Variants in ANKS1B observed in about 807,000 individuals in gnomAD.
The protein encoded by ANKS1B is ankyrin repeat and sterile alpha motif domain-containing protein 1B.
Under a neutral mutation model 148.3 loss-of-function variants are expected in ANKS1B, and 36 were observed. That is an observed-to-expected ratio of 0.24 (90% CI 0.19 to 0.32). The LOEUF is 0.32. ANKS1B is among the 10% of genes least tolerant of loss of function. The pLI is 1.00. For missense variants in ANKS1B, 1,157 were observed against 1,542.6 expected, an observed-to-expected ratio of 0.75 and a Z score of 4.19; for synonymous variants, 542 against 560.8, an observed-to-expected ratio of 0.97 and a Z score of 0.47.
At chr12:99,271,662 C>CTCTATATATATATATATA (rs2077051183) in intron 12 of ANKS1B, among the ~76,000 whole-genome samples, 1 of 94,222 alleles carries the variant, frequency 1.1e-5, no homozygotes, top group African/African-American at 4.7e-5. Context: ...AGTCAATAAA[C>CTCTATATATATATATATA]TATATATATA....
rs1276520632 is a variant in ANKS1B at position 99,772,904 on chromosome 12, C to T, written c.1128+18G>A. 3 of 1,592,610 alleles carry T rather than the reference C, an allele frequency of 1.9e-6. No homozygotes were observed. The highest frequency in any genetic ancestry group is 2.3e-5 in the East Asian group (1 of 44,338). On this transcript the variant is annotated intron_variant, in intron 8 of 26. Coordinates refer to ENST00000683438, the MANE Select transcript of ANKS1B (RefSeq NM_001352186.2). Reference sequence around the variant, plus strand: ...CAAAGACAGACACATTATCTTCATTCCCCCCCGCCTTACTTACTACACTCT... The same window carrying T: ...CAAAGACAGACACATTATCTTCATTTCCCCCCGCCTTACTTACTACACTCT...
chr12:99,885,987 T>C lies in ANKS1B; in HGVS notation c.135-60598A>G, dbSNP rs551320702. On this transcript the variant is annotated intron_variant, in intron 1 of 26. Coordinates refer to ENST00000683438, the MANE Select transcript of ANKS1B (RefSeq NM_001352186.2). The stretch of plus-strand genomic sequence containing the variant: ...TTCCATGGTGTATATATACCACATT[T>C]TCTGTATCCATTCATCAGCTGATGG... Among the ~76,000 whole-genome samples the C allele has an allele frequency of 2.0e-4, 31 of 152,362 alleles. No homozygotes were observed. The South Asian group carries it at 2.1e-3, about 10-fold the overall frequency.
intron 17 of ANKS1B, among the ~76,000 whole-genome samples, chr12:98,921,151 A>G (rs2099800879): frequency 6.6e-6 from 1 of 151,074 alleles, no homozygotes; most frequent in South Asian, 2.1e-4. Flanking sequence ...CCTCTTCCTC[A>G]TTCCTTCCTC....
At chr12:99,914,556 G>C (rs555282715) in intron 1 of ANKS1B, among the ~76,000 whole-genome samples, 2 of 152,186 alleles carry the variant, frequency 1.3e-5, no homozygotes, top group East Asian at 1.9e-4. Context: ...TATTTAAAAT[G>C]AACCTTATCT....
intron 12 of ANKS1B, among the ~76,000 whole-genome samples, chr12:99,373,194 C>A (rs1330886129): frequency 1.3e-5 from 2 of 152,056 alleles, no homozygotes; most frequent in Non-Finnish European, 2.9e-5. Context: ...ATAAGAGGAA[C>A]TATGGGGTAA....
chr12:99,757,477 T>C (rs2061677295), intron 8 of ANKS1B, among the ~76,000 whole-genome samples: 4 of 152,084 alleles, frequency 2.6e-5, no homozygotes, highest in Admixed American at 2.6e-4. Context: ...GCAATGTTTA[T>C]ACACTGTTGG....
At chr12:99,796,985 G>A (rs2066331122) in intron 4 of ANKS1B, among the ~76,000 whole-genome samples, 1 of 151,910 alleles carries the variant, frequency 6.6e-6, no homozygotes, top group Non-Finnish European at 1.5e-5. Context: ...CAAGGTTGCT[G>A]TAATTAGCTT....
intron 17 of ANKS1B, among the ~76,000 whole-genome samples, chr12:98,998,945 A>T (rs1232181256): frequency 6.6e-6 from 1 of 152,234 alleles, no homozygotes; most frequent in Non-Finnish European, 1.5e-5. Context: ...CTAAATTGTT[A>T]ATTGCTGAGA....
chr12:99,175,842 T>G (rs1454383548), intron 14 of ANKS1B, among the ~76,000 whole-genome samples: 1 of 152,140 alleles, frequency 6.6e-6, no homozygotes, highest in East Asian at 1.9e-4. Context: ...TTTATTTATT[T>G]ACTTATTTTT....
At chr12:98,950,921 T>C (rs1009175365) in intron 17 of ANKS1B, among the ~76,000 whole-genome samples, 6 of 152,200 alleles carry the variant, frequency 3.9e-5, no homozygotes, top group African/African-American at 1.4e-4. Context: ...TCAGGCTCTC[T>C]GTGTGTTCCT....
At chr12:99,385,239 C>T (rs149296813) in intron 12 of ANKS1B, among the ~76,000 whole-genome samples, 4 of 152,076 alleles carry the variant, frequency 2.6e-5, no homozygotes, top group South Asian at 2.1e-4. Context: ...GAGGCCGAGG[C>T]GGGTGGATCA....
intron 17 of ANKS1B, among the ~76,000 whole-genome samples, chr12:98,962,332 C>A (rs567067181): frequency 6.6e-6 from 1 of 150,488 alleles, no homozygotes; most frequent in African/African-American, 2.4e-5. Flanking sequence ...TAAGAAGAGA[C>A]AAAGAAGGTC....
intron 15 of ANKS1B, among the ~76,000 whole-genome samples, chr12:99,126,217 T>A (rs2064296462): frequency 6.6e-6 from 1 of 152,182 alleles, no homozygotes; most frequent in South Asian, 2.1e-4. Flanking sequence ...TCTAGGTATC[T>A]GCTTTTAGGT....
At position 99,586,665 on chromosome 12, in the gene ANKS1B, C is replaced by T. The variant is rs531036219; in HGVS notation, c.1272+68402G>A. ...CTCATGCTGCTAATAAAGGCATACT[C>T]GAGGCTGGGTAACTTACAAAGGAAA... On this transcript the variant is annotated intron_variant, in intron 9 of 26. Transcript: ENST00000683438. Among the ~76,000 whole-genome samples, 184 of 152,214 alleles carry T rather than the reference C, an allele frequency of 1.2e-3. 3 individuals are homozygous for T. Among genetic ancestry groups the T allele is most frequent in the Admixed American group, 1.9e-3 (29 of 15,286 alleles).
intron 15 of ANKS1B, among the ~76,000 whole-genome samples, chr12:99,087,049 G>T (rs76983021): frequency 2.0e-5 from 3 of 152,122 alleles, no homozygotes; most frequent in African/African-American, 7.2e-5. Context: ...GAAGTTTGAC[G>T]TGGAGATTGA....
At chr12:99,422,773 C>G (rs1182455546) in intron 11 of ANKS1B, among the ~76,000 whole-genome samples, 2 of 151,940 alleles carry the variant, frequency 1.3e-5, no homozygotes, top group African/African-American at 4.8e-5. Flanking sequence ...ATGGCATTGA[C>G]TTGAGTACAT....
At chr12:99,903,699 C>A (rs2093678189) in intron 1 of ANKS1B, among the ~76,000 whole-genome samples, 1 of 150,780 alleles carries the variant, frequency 6.6e-6, no homozygotes, top group Admixed American at 6.6e-5. Flanking sequence ...ACAAAGTTGC[C>A]AAATAAGAAT....
intron 10 of ANKS1B, among the ~76,000 whole-genome samples, chr12:99,484,764 G>GTGT (rs1379667187): frequency 3.6e-4 from 23 of 63,734 alleles, no homozygotes; most frequent in African/African-American, 1.7e-3. Flanking sequence ...GTGTGTGTGT[G>GTGT]TTTTTTTTTT....
intron 17 of ANKS1B, among the ~76,000 whole-genome samples, chr12:98,878,831 T>C (rs192190587): frequency 1.3e-5 from 2 of 152,362 alleles, no homozygotes; most frequent in East Asian, 1.9e-4. Context: ...TAATGGTTCA[T>C]ATCAGGGAGC....
Sources: gnomAD v4.1 joint callset for allele counts (sites outside exome capture counted in the v4.1 genomes callset) on GRCh38, gnomAD v4.1.1 for gene constraint, MANE v1.5 for transcripts, NCBI Gene and HGNC (gene_info 2026-07-23, HGNC 2026-07-21) for gene names.